Variants in SCN10A observed in about 807,000 individuals in gnomAD.
SCN10A encodes sodium channel protein type 10 subunit alpha.
A neutral mutation model predicts 170.7 loss-of-function variants in SCN10A; 162 were observed. That is an observed-to-expected ratio of 0.95 (90% CI 0.84 to 1.08). The LOEUF is 1.08. Among genes scored for constraint, SCN10A ranks in the 50% least tolerant of loss-of-function variants. The pLI is 0.00. For missense variants in SCN10A, 2,527 were observed against 2,436.9 expected (o/e 1.04, Z -0.78); for synonymous variants, 985 against 904.6 (o/e 1.09, Z -1.59).
In SCN10A at chr3:38,755,813, G is replaced by A. The variant is rs1576007145; in HGVS notation, c.1436C>T (p.Ser479Phe). The change falls in exon 11 of 28, where the codon TCT (serine) becomes TTT (phenylalanine). Residue 479 changes from serine (S) to phenylalanine (F), a missense_variant. Ser to Phe is a radical substitution (Grantham distance 155). Transcript: ENST00000449082. Reference sequence around the variant, plus strand: ...CATCCTGCGCTGGTTGTAAGGATCAGAGCGGGGTGATTTGTTGTCTTCTGT... The same window carrying A: ...CATCCTGCGCTGGTTGTAAGGATCAAAGCGGGGTGATTTGTTGTCTTCTGT... ...GSTEDNKSPR[S>F]DPYNQRRMSF... is the part of the protein sequence containing the mutation. 1 of 1,613,844 alleles carries A rather than the reference G, an allele frequency of 6.2e-7. No homozygotes were observed. Among genetic ancestry groups the A allele is most frequent in the Non-Finnish European group, 8.5e-7 (1 of 1,180,040 alleles).
Position 38,756,850 on chromosome 3 carries a change from T to G in SCN10A, c.1114A>C (p.Ile372Leu). Residue 372 changes from isoleucine to leucine, a missense_variant, in exon 10 of 28, where the codon ATC becomes CTC. Ile to Leu is a conservative substitution (Grantham distance 5, BLOSUM62 2). Transcript: ENST00000449082. Reference protein sequence around the residue: ...YQQTLRTSGKIYMIFFVLVIF... With the variant: ...YQQTLRTSGKLYMIFFVLVIF... ...ACGAGCACAAAAAAGATCATATAGA[T>G]TTTCCCAGAAGTCCTCAGGGTCTGC... 6.2e-7 allele frequency: 1 copy of G among 1,614,124 alleles called. No individual in the cohort carries two copies. Among genetic ancestry groups the G allele is most frequent in the African/African-American group, 1.3e-5 (1 of 75,012 alleles).
chr3:38,794,086 A>G (rs1344210528), intron 1 of SCN10A, 44 bp from the exon 2 acceptor site: 5 of 1,349,262 alleles, frequency 3.7e-6, no homozygotes, highest in Non-Finnish European at 5.2e-6. Context: ...CAGCTTGCCC[A>G]CTGGCCCTGT....
chr3:38,707,617 G>C (rs557095386), intron 25 of SCN10A, among the ~76,000 whole-genome samples: 21 of 152,316 alleles, frequency 1.4e-4, no homozygotes, highest in African/African-American at 4.8e-4. Context: ...CTGTTCTCCA[G>C]GGATCCAGAG....
At chr3:38,804,236 T>C (rs933293521) in intron 1 of SCN10A, among the ~76,000 whole-genome samples, 6 of 152,116 alleles carry the variant, frequency 3.9e-5, no homozygotes, top group Non-Finnish European at 8.8e-5. Context: ...TTTCAACTTG[T>C]TCTTTTCTCT....
intron 8 of SCN10A, among the ~76,000 whole-genome samples, chr3:38,758,734 G>A (rs985348526): frequency 2.1e-4 from 32 of 152,262 alleles, no homozygotes; most frequent in African/African-American, 7.5e-4. Flanking sequence ...ATCCTGAGCT[G>A]GCCTCTCTCT....
At chr3:38,722,142 G>C (rs927573101) in intron 20 of SCN10A, 116 bp downstream of exon 20, 10 of 1,009,048 alleles carry the variant, frequency 9.9e-6, no homozygotes, top group Non-Finnish European at 1.4e-5. Context: ...TAGTGACAAG[G>C]TTGGGGACTT....
At chr3:38,737,798 CTCTTTCTTTCTT>C (rs1166425687) in intron 15 of SCN10A, among the ~76,000 whole-genome samples, 15 of 93,626 alleles carry the variant, frequency 1.6e-4, no homozygotes, top group East Asian at 1.5e-3. Context: ...CCCTCCCTTC[CTCTTTCTTTCTT>C]TCTTTCTTTC....
chr3:38,758,251 C>A (rs998376701), intron 8 of SCN10A, among the ~76,000 whole-genome samples: 1 of 152,132 alleles, frequency 6.6e-6, no homozygotes, highest in African/African-American at 2.4e-5. Flanking sequence ...GCTTTGTAGA[C>A]CCACATTTAA....
At chr3:38,815,825 A>T (rs1053816176) in intron 1 of SCN10A, among the ~76,000 whole-genome samples, 4 of 152,226 alleles carry the variant, frequency 2.6e-5, no homozygotes, top group Admixed American at 2.0e-4. Flanking sequence ...CTTATCCTTC[A>T]GAGGAAGAGA....
rs1363425295 is a variant in SCN10A, at chr3:38,697,089, G to T, written c.*260C>A. 2 of 509,902 alleles carry T rather than the reference G, an allele frequency of 3.9e-6. No homozygotes were observed. Among genetic ancestry groups the T allele is most frequent in the East Asian group, 3.3e-5 (1 of 30,208 alleles). 31.6% of individuals were successfully genotyped at this position (509,902 alleles called of 1,614,324 possible). A position where few individuals can be genotyped will look rare whatever the true frequency, so the allele number is the denominator to read the frequency against. On this transcript the variant is annotated 3_prime_UTR_variant, in exon 28 of 28. Transcript: ENST00000449082. ...ATAAAAGGACAAGGGATATTTTCTG[G>T]AGAGTAAGAGAACCCATGATCTGAT...
chr3:38,711,277 G>A (rs953379279), intron 23 of SCN10A, among the ~76,000 whole-genome samples: 1 of 152,196 alleles, frequency 6.6e-6, no homozygotes, highest in Non-Finnish European at 1.5e-5. Context: ...TGCACATGAT[G>A]TAAGAATGGT....
Position 38,793,727 on chromosome 3 carries a change from C to CTAG in SCN10A, c.270+11_270+13dup. ...CAAGAGCTGAGAGCAGACATTCCTA[C>CTAG]TAGTAGCTCTTACCCGGTGTGTGCT... On this transcript the variant is annotated intron_variant, in intron 2 of 27. Coordinates refer to ENST00000449082, the MANE Select transcript of SCN10A (RefSeq NM_006514.4). The CTAG allele has an allele frequency of 6.2e-7, 1 of 1,606,468 alleles. No homozygotes were observed. Among genetic ancestry groups the CTAG allele is most frequent in the Non-Finnish European group, 8.5e-7 (1 of 1,174,532 alleles).
Position 38,736,963 on chromosome 3 carries a change from G to GTTTTTTTTTTTT in SCN10A, c.2280+2540_2280+2551dup, listed in dbSNP as rs71085334. On this transcript the variant is annotated intron_variant, in intron 15 of 27. Coordinates refer to ENST00000449082, the MANE Select transcript of SCN10A (RefSeq NM_006514.4). ...TTCCCCAAGTGTAGCAGAAATGTTC[G>GTTTTTTTTTTTT]TTTTTTTTTTTTTTTTTTTTTTTTT... is the stretch of plus-strand genomic sequence containing the variant. Among the ~76,000 whole-genome samples, 158 of 46,658 alleles carry GTTTTTTTTTTTT rather than the reference G, an allele frequency of 3.4e-3. 35 individuals are homozygous for GTTTTTTTTTTTT. The highest frequency in any genetic ancestry group is 4.1e-3 in the Non-Finnish European group (113 of 27,746). 30.6% of individuals were successfully genotyped at this position (46,658 alleles called of 152,430 possible).
chr3:38,714,128 C>T (rs377340092), intron 21 of SCN10A, 48 bp from the exon 22 acceptor site: 371 of 1,604,724 alleles, frequency 2.3e-4, no homozygotes, highest in Non-Finnish European at 3.1e-4. Flanking sequence ...TCCAGAAAGG[C>T]AGTCCTCGTG....
intron 1 of SCN10A, among the ~76,000 whole-genome samples, chr3:38,805,736 C>A (rs1393495033): frequency 6.6e-6 from 1 of 152,102 alleles, no homozygotes; most frequent in East Asian, 1.9e-4. Flanking sequence ...CCCAGTCCTT[C>A]GAGACCTAGT....
chr3:38,709,412 G>C, intron 25 of SCN10A, 66 bp downstream of exon 25: 1 of 1,510,760 alleles, frequency 6.6e-7, no homozygotes, highest in Non-Finnish European at 8.9e-7. Context: ...CCAGAGCTGG[G>C]CAGGGAACAG....
intron 1 of SCN10A, among the ~76,000 whole-genome samples, chr3:38,807,640 T>A (rs1046115859): frequency 2.0e-5 from 3 of 152,156 alleles, no homozygotes; most frequent in African/African-American, 7.2e-5. Flanking sequence ...CTCTTTTATA[T>A]CCCCTTGCAT....
intron 15 of SCN10A, 31 bp downstream of exon 15, chr3:38,739,484 T>C (rs2063606235): frequency 1.9e-6 from 3 of 1,593,882 alleles, no homozygotes; most frequent in Admixed American, 3.4e-5. Flanking sequence ...TGGGTGGGAG[T>C]TTCCCCAAGC....
chr3:38,709,559 G>A lies in SCN10A; in HGVS notation c.4200C>T (p.Ile1400=), dbSNP rs769397943. Reference sequence around the variant, plus strand: ...TGAAGAAGCCTCCAAAAATGATGAAGATGACAAAGTACAAATACATGTACA... The same window carrying A: ...TGAAGAAGCCTCCAAAAATGATGAAAATGACAAAGTACAAATACATGTACA... ...DNVYMYLYFV[I]FIIFGGFFTL... is the part of the protein sequence containing the mutation. The change falls in exon 25 of 28, where the codon ATC becomes ATT. Residue 1400 remains isoleucine, a synonymous_variant. Transcript: ENST00000449082. 6.2e-7 allele frequency: 1 copy of A among 1,613,264 alleles called. No homozygotes were observed. The highest frequency in any genetic ancestry group is 8.5e-7 in the Non-Finnish European group (1 of 1,179,620).
Sources: allele counts gnomAD v4.1 joint callset (sites outside exome capture counted in the v4.1 genomes callset), GRCh38; gene constraint gnomAD v4.1.1; transcripts MANE v1.5; gene names NCBI Gene and HGNC (gene_info 2026-07-23, HGNC 2026-07-21).